The following NEK5 variants were observed in gnomAD, a reference collection of about 807,000 sequenced individuals.
The protein encoded by NEK5 is NIMA related kinase 5.
In NEK5, 88 loss-of-function variants were observed where a neutral mutation model predicts 109.2. That is an observed-to-expected ratio of 0.81 (90% CI 0.68 to 0.96). NEK5 has a LOEUF of 0.96. NEK5 is among the 40% of genes least tolerant of loss of function. NEK5 has a pLI of 0.00. For missense variants in NEK5, 834 were observed against 920.7 expected (o/e 0.91, Z 1.22); for synonymous variants, 283 against 299.9 (o/e 0.94, Z 0.58).
At chr13:52,087,884 C>A (rs1221065526) in intron 14 of NEK5, among the ~76,000 whole-genome samples, 1 of 150,540 alleles carries the variant, frequency 6.6e-6, no homozygotes, top group Admixed American at 6.6e-5. Flanking sequence ...CTTGGCCTCC[C>A]AAAGTGCTGG....
At chr13:52,103,472 T>C (rs1485043759) in intron 9 of NEK5, among the ~76,000 whole-genome samples, 2 of 152,156 alleles carry the variant, frequency 1.3e-5, no homozygotes, top group East Asian at 3.9e-4. Flanking sequence ...ACACTGGCTG[T>C]GCAACCCTTG....
chr13:52,117,732 C>G (rs372312173), intron 4 of NEK5, among the ~76,000 whole-genome samples: 2 of 151,970 alleles, frequency 1.3e-5, no homozygotes, highest in South Asian at 4.2e-4. Flanking sequence ...ATGTAAAGGG[C>G]GACAAATATG....
intron 17 of NEK5, among the ~76,000 whole-genome samples, chr13:52,076,557 G>C (rs993354902): frequency 1.3e-5 from 2 of 152,208 alleles, no homozygotes; most frequent in African/African-American, 4.8e-5. Context: ...AAAACTAAAA[G>C]TGGATGACAA....
intron 12 of NEK5, among the ~76,000 whole-genome samples, chr13:52,093,923 T>C (rs1460192416): frequency 2.0e-5 from 3 of 152,252 alleles, no homozygotes; most frequent in Non-Finnish European, 4.4e-5. Flanking sequence ...ATAAAAAGCA[T>C]AGTGAAACTC....
At chr13:52,046,110 G>A (rs1172242732) in intron 23 of NEK5, among the ~76,000 whole-genome samples, 1 of 150,934 alleles carries the variant, frequency 6.6e-6, no homozygotes, top group Non-Finnish European at 1.5e-5. Context: ...ACTTTGTAGT[G>A]TAATATGAAT....
chr13:52,045,053 T>C (rs1426390245), intron 23 of NEK5, among the ~76,000 whole-genome samples: 1 of 150,540 alleles, frequency 6.6e-6, no homozygotes, highest in East Asian at 1.9e-4. Context: ...ATAATTAGAC[T>C]AGAAAGAATA....
intron 7 of NEK5, among the ~76,000 whole-genome samples, chr13:52,109,783 A>T (rs2138057714): frequency 6.6e-6 from 1 of 152,274 alleles, no homozygotes; most frequent in African/African-American, 2.4e-5. Flanking sequence ...AAAAGTTTTT[A>T]ATCTACCTAT....
intron 3 of NEK5, among the ~76,000 whole-genome samples, chr13:52,125,071 G>A (rs1473612337): frequency 6.6e-6 from 1 of 152,190 alleles, no homozygotes; most frequent in Admixed American, 6.5e-5. Flanking sequence ...CAGCACATAG[G>A]AGGTGAAGTG....
Position 52,059,162 on chromosome 13 carries a change from T to G in NEK5, c.2110+2657A>C, listed in dbSNP as rs1349342612. Among the ~76,000 whole-genome samples, 5 of 75,394 alleles carry G rather than the reference T, an allele frequency of 6.6e-5. No individual in the cohort carries two copies. In the East Asian group the frequency reaches 1.6e-3, roughly 24 times the overall value. The allele number at this position is 75,394 out of a possible 152,430, so 49.5% of individuals were successfully genotyped here. A position where few individuals can be genotyped will look rare whatever the true frequency, so the allele number is the denominator to read the frequency against. Reference sequence around the variant, plus strand: ...GGCAAAGGACATGAACAGACACTTCTCAAAAGAAGACATTTATGCAGCCAA... The same window carrying G: ...GGCAAAGGACATGAACAGACACTTCGCAAAAGAAGACATTTATGCAGCCAA... On this transcript the variant is annotated intron_variant, in intron 22 of 23. Coordinates refer to ENST00000684899, the MANE Select transcript of NEK5 (RefSeq NM_001365552.1).
At chr13:52,118,099 G>T (rs780775630) in intron 4 of NEK5, among the ~76,000 whole-genome samples, 3 of 152,164 alleles carry the variant, frequency 2.0e-5, no homozygotes, top group African/African-American at 4.8e-5. Context: ...ACACACAGAA[G>T]TACCTTGAAT....
At chr13:52,122,502 C>T (rs1342151036) in intron 3 of NEK5, among the ~76,000 whole-genome samples, 1 of 152,196 alleles carries the variant, frequency 6.6e-6, no homozygotes, top group Non-Finnish European at 1.5e-5. Flanking sequence ...GGCGCAGTGG[C>T]TCACACCTGT....
chr13:52,040,361 A>T (rs1842436342), intron 23 of NEK5, among the ~76,000 whole-genome samples: 1 of 152,128 alleles, frequency 6.6e-6, no homozygotes. Context: ...CTGGGATTAC[A>T]GGCGTGAGCC....
chr13:52,102,015 C>T lies in NEK5; in HGVS notation c.811-1G>A, dbSNP rs778353832. 6.2e-7 allele frequency: 1 copy of T among 1,613,950 alleles called. No homozygotes were observed. The highest frequency in any genetic ancestry group is 2.2e-5 in the East Asian group (1 of 44,890). On this transcript the variant is annotated splice_acceptor_variant, in intron 10 of 23. Coordinates refer to ENST00000684899, the MANE Select transcript of NEK5 (RefSeq NM_001365552.1). LOFTEE classifies it high-confidence loss of function. ...TGTGACTGAATTCTTCCTGAATGAC[C>T]TAAAACCGAACACACGTGTCAAGGA... is the stretch of plus-strand genomic sequence containing the variant.
chr13:52,063,090 C>G (rs1365911432), intron 21 of NEK5, among the ~76,000 whole-genome samples: 1 of 152,084 alleles, frequency 6.6e-6, no homozygotes, highest in African/African-American at 2.4e-5. Flanking sequence ...GTCTCCCTCT[C>G]CCTCTCTTTC....
chr13:52,087,369 A>G lies in NEK5; in HGVS notation c.1361T>C (p.Leu454Pro). 8 of 1,605,686 alleles carry G rather than the reference A, an allele frequency of 5.0e-6. No individual in the cohort carries two copies. Among genetic ancestry groups the G allele is most frequent in the Non-Finnish European group, 6.8e-6 (8 of 1,172,672 alleles). The change falls in exon 15 of 24, where the codon CTG (leucine) becomes CCG (proline). Residue 454 changes from leucine (L) to proline (P), a missense_variant. Physicochemically the swap from Leu to Pro is moderately conservative, Grantham distance 98. Around this residue, in one of 2 missense-constraint regions of NEK5, gnomAD observed 777 missense variants for 824.7 expected, o/e 0.94. Coordinates refer to ENST00000684899, the MANE Select transcript of NEK5 (RefSeq NM_001365552.1). Reference sequence around the variant, plus strand: ...CTTCATTTCGTTTTTCCTAAATGGCAGCTCCTGGAATCTAGGCTCTTCTCC... The same window carrying G: ...CTTCATTTCGTTTTTCCTAAATGGCGGCTCCTGGAATCTAGGCTCTTCTCC... The part of the protein sequence containing the change: ...SNGEEPRFQE[L>P]PFRKNEMKEQ...
intron 23 of NEK5, among the ~76,000 whole-genome samples, chr13:52,049,540 C>G (rs1291790074): frequency 6.6e-6 from 1 of 151,958 alleles, no homozygotes; most frequent in Non-Finnish European, 1.5e-5. Flanking sequence ...CAACGTTTCT[C>G]ATACTTTATA....
chr13:52,093,280 C>T (rs1322810046), intron 12 of NEK5, 45 bp from the exon 13 acceptor site: 1 of 1,467,054 alleles, frequency 6.8e-7, no homozygotes, highest in Admixed American at 1.7e-5. Flanking sequence ...ATAATACAGG[C>T]TGGGTGCAGT....
intron 13 of NEK5, among the ~76,000 whole-genome samples, chr13:52,092,760 C>T (rs1171857345): frequency 1.3e-5 from 2 of 152,168 alleles, no homozygotes; most frequent in African/African-American, 2.4e-5. Context: ...GTGGTGCACG[C>T]CTGTAGTCCC....
chr13:52,116,303 CTTTG>C (rs945072594), intron 4 of NEK5, among the ~76,000 whole-genome samples: 2 of 152,026 alleles, frequency 1.3e-5, no homozygotes, highest in Admixed American at 1.3e-4. Context: ...CCTTAACCAA[CTTTG>C]TTTGCTTATA....
Sources: gnomAD v4.1 joint callset for allele counts (sites outside exome capture counted in the v4.1 genomes callset) on GRCh38, gnomAD v4.1.1 for gene constraint, gnomAD v4.1.1 regional missense constraint, MANE v1.5 for transcripts, NCBI Gene and HGNC (gene_info 2026-07-23, HGNC 2026-07-21) for gene names.